Variants in CREB3L1 observed in about 807,000 individuals in gnomAD.
CREB3L1 encodes the protein cAMP responsive element binding protein 3 like 1.
A neutral mutation model predicts 54.5 loss-of-function variants in CREB3L1; 33 were observed. That is an observed-to-expected ratio of 0.61 (90% CI 0.46 to 0.81). The LOEUF (loss-of-function observed/expected upper bound fraction) is 0.81. CREB3L1 is among the 30% of genes least tolerant of loss of function. The pLI is 0.00. For synonymous variants in CREB3L1, 284 were observed against 286.4 expected (o/e 0.99, Z 0.08); for missense variants, 656 against 673.3 (o/e 0.97, Z 0.29).
chr11:46,320,826 C>A lies in CREB3L1; in HGVS notation c.*80C>A, dbSNP rs11038861. On this transcript the variant is annotated 3_prime_UTR_variant, in exon 12 of 12. Transcript: ENST00000621158. ...CTTGCTCACTAACCCGGATCCGCCT[C>A]GTGCCCCTGCCTCCTGGAGCTTCCC... The A allele has an allele frequency of 1.4e-6, 2 of 1,444,002 alleles. No homozygotes were observed. Among genetic ancestry groups the A allele is most frequent in the Non-Finnish European group, 9.6e-7 (1 of 1,044,136 alleles). The allele number at this position is 1,444,002 out of a possible 1,614,324, so 89.4% of individuals were successfully genotyped here.
intron 2 of CREB3L1, among the ~76,000 whole-genome samples, chr11:46,306,879 CT>C (rs557941973): frequency 1.7e-3 from 239 of 141,392 alleles, no homozygotes; most frequent in East Asian, 2.9e-3. Flanking sequence ...AATTCTCTCT[CT>C]TTTTTTTTTT....
chr11:46,311,005 T>C, intron 4 of CREB3L1, 27 bp from the exon 5 acceptor site: 1 of 1,545,422 alleles, frequency 6.5e-7, no homozygotes, highest in Non-Finnish European at 8.7e-7. Context: ...GCAACGTTGC[T>C]AACTCGGTTT....
At chr11:46,314,682 A>G (rs151146128) in intron 8 of CREB3L1, among the ~76,000 whole-genome samples, 448 of 147,496 alleles carry the variant, frequency 3.0e-3, no homozygotes, top group Non-Finnish European at 4.9e-3. Flanking sequence ...GCCTTCTTTC[A>G]TTATTTTTAC....
chr11:46,317,435 G>A lies in CREB3L1; in HGVS notation c.1206G>A (p.Gln402=). 6.2e-7 allele frequency: 1 copy of A among 1,613,504 alleles called. No homozygotes were observed. Among genetic ancestry groups the A allele is most frequent in the South Asian group, 1.1e-5 (1 of 91,086 alleles). ...TTCCCGAGTTCTCCTCCGGCTCCCAGACTGTGAAGGAAGACCCCCTGGCCG... is the reference window on the plus strand; with the variant it reads ...TTCCCGAGTTCTCCTCCGGCTCCCAAACTGTGAAGGAAGACCCCCTGGCCG... ...PCLPEFSSGS[Q]TVKEDPLAAD... The change falls in exon 10 of 12, where the codon CAG becomes CAA. Residue 402 remains glutamine (Q), a synonymous_variant. Coordinates refer to ENST00000621158, the MANE Select transcript of CREB3L1 (RefSeq NM_052854.4).
At chr11:46,281,072 G>C (rs1938963916) in intron 1 of CREB3L1, among the ~76,000 whole-genome samples, 1 of 152,200 alleles carries the variant, frequency 6.6e-6, no homozygotes. Context: ...GTGTTTGGAG[G>C]TGGCTGGGCT....
chr11:46,286,414 A>G (rs2136336222), intron 1 of CREB3L1, among the ~76,000 whole-genome samples: 1 of 152,262 alleles, frequency 6.6e-6, no homozygotes, highest in Non-Finnish European at 1.5e-5. Context: ...TTCTATTATG[A>G]TATCTTGTGC....
At chr11:46,304,356 C>A (rs1033778819) in intron 2 of CREB3L1, among the ~76,000 whole-genome samples, 2 of 152,168 alleles carry the variant, frequency 1.3e-5, no homozygotes, top group Non-Finnish European at 2.9e-5. Context: ...CCTGTTATCC[C>A]AGCTACTCGA....
chr11:46,298,253 G>A (rs902371197), intron 1 of CREB3L1, among the ~76,000 whole-genome samples: 1 of 152,126 alleles, frequency 6.6e-6, no homozygotes, highest in Non-Finnish European at 1.5e-5. Context: ...GCCAGAAAGG[G>A]CCAACAACTC....
Position 46,278,415 on chromosome 11 carries a change from TC to T in CREB3L1, c.102+203del, listed in dbSNP as rs1195576397. 6.6e-6 allele frequency among the ~76,000 whole-genome samples: 1 copy of T among 152,152 alleles called. No homozygotes were observed. The highest frequency in any genetic ancestry group is 1.5e-5 in the Non-Finnish European group (1 of 68,008). The stretch of plus-strand genomic sequence containing the variant: ...TCTTTGAATACACTGGCCTCCACCT[TC>T]TAGGGGGAAGGGGCCATCGAGGTAT... On this transcript the variant is annotated intron_variant, in intron 1 of 11. Transcript: ENST00000621158. This position sits in a 1 kb window ranked among gnomAD's most constrained non-coding sequence, Gnocchi z 4.2.
chr11:46,307,767 G>A, intron 2 of CREB3L1, 49 bp from the exon 3 acceptor site: 1 of 1,452,010 alleles, frequency 6.9e-7, no homozygotes, highest in Non-Finnish European at 9.2e-7. Context: ...GCAGGCAGGG[G>A]GCTGAGACCT....
rs754258640 is a variant in CREB3L1 at position 46,320,363 on chromosome 11, T to A, written c.1358T>A (p.Ile453Asn). The A allele has an allele frequency of 1.2e-6, 2 of 1,611,320 alleles. No individual in the cohort carries two copies. Among genetic ancestry groups the A allele is most frequent in the Admixed American group, 1.7e-5 (1 of 59,602 alleles). ...ATGGAGCCCCCAGATGGCTGGGAAA[T>A]CAACCCCGGGGGGCCGGCAGAGCAG... is the stretch of plus-strand genomic sequence containing the variant. Reference protein sequence around the residue: ...LPMEPPDGWEINPGGPAEQRP... With the variant: ...LPMEPPDGWENNPGGPAEQRP... Residue 453 changes from isoleucine to asparagine, a missense_variant, in exon 11 of 12, where the codon ATC (isoleucine) becomes AAC (asparagine). Coordinates refer to ENST00000621158, the MANE Select transcript of CREB3L1 (RefSeq NM_052854.4).
chr11:46,319,842 GC>G (rs1473389462), intron 10 of CREB3L1, among the ~76,000 whole-genome samples: 1 of 150,866 alleles, frequency 6.6e-6, no homozygotes, highest in African/African-American at 2.4e-5. Flanking sequence ...TCCTGCCATT[GC>G]ACTCCAGCCT....
chr11:46,311,831 A>G lies in CREB3L1; in HGVS notation c.754-494A>G, dbSNP rs61298784. Among the ~76,000 whole-genome samples the G allele has an allele frequency of 5.3e-3, 808 of 152,294 alleles. 10 individuals carry two copies. The highest frequency in any genetic ancestry group is 0.019 in the African/African-American group (773 of 41,564). ...ATCCTTTCGCCCTGCCTCATGGTGA[A>G]CAGGAGACTATTGCAGAGCCAGGAC... is the stretch of plus-strand genomic sequence containing the variant. On this transcript the variant is annotated intron_variant, in intron 5 of 11. Transcript: ENST00000621158.
chr11:46,320,148 A>G, intron 10 of CREB3L1, 116 bp from the exon 11 acceptor site: 2 of 1,142,048 alleles, frequency 1.8e-6, no homozygotes, highest in Non-Finnish European at 2.4e-6. Context: ...ACATCCGGGA[A>G]GTGTCAGAGC....
intron 1 of CREB3L1, among the ~76,000 whole-genome samples, chr11:46,294,058 G>T (rs775159559): frequency 6.6e-6 from 1 of 152,174 alleles, no homozygotes; most frequent in Non-Finnish European, 1.5e-5. Context: ...TCACTATGTG[G>T]TGTCAGAGAG....
At chr11:46,292,837 G>C (rs1939149460) in intron 1 of CREB3L1, among the ~76,000 whole-genome samples, 2 of 151,886 alleles carry the variant, frequency 1.3e-5, no homozygotes, top group African/African-American at 4.8e-5. Flanking sequence ...GCCCAGGCTG[G>C]TCTCAAACTC....
intron 1 of CREB3L1, among the ~76,000 whole-genome samples, chr11:46,280,189 TG>T (rs796917688): frequency 1.1e-3 from 103 of 96,352 alleles, no homozygotes; most frequent in Middle Eastern, 4.9e-3. Flanking sequence ...TTTTGTTTTT[TG>T]TTTTTTGTTT....
intron 1 of CREB3L1, among the ~76,000 whole-genome samples, chr11:46,283,534 A>C (rs1422973958): frequency 6.6e-6 from 1 of 152,166 alleles, no homozygotes; most frequent in East Asian, 1.9e-4. Flanking sequence ...ATTTGTAGAG[A>C]AAATTACTTT....
intron 3 of CREB3L1, among the ~76,000 whole-genome samples, chr11:46,308,645 C>T (rs1939438811): frequency 6.6e-6 from 1 of 152,362 alleles, no homozygotes; most frequent in South Asian, 2.1e-4. Flanking sequence ...CATGAACCCC[C>T]TAAGGTGCTT....
Sources: gnomAD v4.1 joint callset for allele counts (sites outside exome capture counted in the v4.1 genomes callset) on GRCh38, gnomAD v4.1.1 for gene constraint, Gnocchi (gnomAD v3.1) non-coding constraint, MANE v1.5 for transcripts, NCBI Gene and HGNC (gene_info 2026-07-23, HGNC 2026-07-21) for gene names.